SPRR2B: variants seen among roughly 807,000 people sequenced by gnomAD.
The protein encoded by SPRR2B is small proline rich protein 2B, also known as small proline-rich protein 2B.
SPRR2B carries 1 observed loss-of-function variant against 1.0 expected under a neutral mutation model. That is an observed-to-expected ratio of 1.01 (90% CI 0.36 to 4.77). SPRR2B has a LOEUF of 4.77. Ranked by LOEUF, SPRR2B falls within the 30% of genes most tolerant of loss-of-function variation. SPRR2B has a pLI of 0.16. For missense variants in SPRR2B, 53 were observed against 88.7 expected (o/e 0.60, Z 1.62); for synonymous variants, 27 against 33.4 (o/e 0.81, Z 0.66).
At chr1:153,084,678 T>G in the SPRR2B span, among the ~76,000 whole-genome samples, 4,749 of 151,994 alleles carry the variant, frequency 0.031, 229 homozygotes, top group African/African-American at 0.11. Flanking sequence ...CCCAGCCCAA[T>G]AGTATGCACC....
At chr1:153,073,269 G>T (rs1654708967), upstream of SPRR2B, among the ~76,000 whole-genome samples, 1 of 152,218 alleles carries the variant, frequency 6.6e-6, no homozygotes, top group Admixed American at 6.5e-5. Flanking sequence ...AGTACAGTGG[G>T]TGCAGTAAAG....
At chr1:153,084,104 T>C in the SPRR2B span, among the ~76,000 whole-genome samples, 1 of 152,126 alleles carries the variant, frequency 6.6e-6, no homozygotes, top group African/African-American at 2.4e-5. Context: ...TGCTGGCAGA[T>C]CACAGCTAAC....
upstream of SPRR2B, among the ~76,000 whole-genome samples, chr1:153,076,298 A>C (rs1052302169): frequency 2.0e-5 from 3 of 152,208 alleles, no homozygotes; most frequent in African/African-American, 7.2e-5. Context: ...TCCATATGTT[A>C]GATCCAAATA....
the SPRR2B span, among the ~76,000 whole-genome samples, chr1:153,080,764 C>T: frequency 2.0e-5 from 3 of 152,156 alleles, no homozygotes; most frequent in Non-Finnish European, 4.4e-5. Context: ...TTTTATGATA[C>T]GATCCAGCAA....
chr1:153,080,254 C>A, the SPRR2B span, among the ~76,000 whole-genome samples: 1 of 152,052 alleles, frequency 6.6e-6, no homozygotes, highest in Non-Finnish European at 1.5e-5. Flanking sequence ...AATTCACTCT[C>A]AAAAATGGCT....
upstream of SPRR2B, among the ~76,000 whole-genome samples, chr1:153,075,715 G>C (rs1309474262): frequency 6.6e-6 from 1 of 152,162 alleles, no homozygotes; most frequent in African/African-American, 2.4e-5. Flanking sequence ...GTTGTTTATG[G>C]CTGAGAAAGA....
upstream of SPRR2B, among the ~76,000 whole-genome samples, chr1:153,072,545 A>T (rs1353889119): frequency 6.6e-6 from 1 of 152,216 alleles, no homozygotes; most frequent in Non-Finnish European, 1.5e-5. Flanking sequence ...GTCTTCTCAG[A>T]GTAGAGAAGG....
the SPRR2B span, among the ~76,000 whole-genome samples, chr1:153,083,843 T>C: frequency 6.6e-6 from 1 of 152,218 alleles, no homozygotes; most frequent in African/African-American, 2.4e-5. Flanking sequence ...CCAAGGGGTT[T>C]GGTAAGGGAG....
the SPRR2B span, among the ~76,000 whole-genome samples, chr1:153,084,872 A>G: frequency 2.0e-5 from 3 of 152,152 alleles, no homozygotes; most frequent in Non-Finnish European, 4.4e-5. Context: ...GTCAAGCCTG[A>G]CACACTTCCC....
At chr1:153,083,042 TAAA>T in the SPRR2B span, among the ~76,000 whole-genome samples, 1 of 152,102 alleles carries the variant, frequency 6.6e-6, no homozygotes, top group Non-Finnish European at 1.5e-5. Context: ...TTTACAGAAA[TAAA>T]AAAATTTGAA....
chr1:153,074,031 C>G (rs915766740), upstream of SPRR2B, among the ~76,000 whole-genome samples: 2 of 152,176 alleles, frequency 1.3e-5, no homozygotes, highest in African/African-American at 4.8e-5. Context: ...CTACTACAGT[C>G]AAGATAAATA....
rs1327081528 is a variant in SPRR2B at position 153,070,470 on chromosome 1, C to T, written c.*151G>A. 1 of 1,395,858 alleles carries T rather than the reference C, an allele frequency of 7.2e-7. No individual in the cohort carries two copies. The highest frequency in any genetic ancestry group is 9.6e-7 in the Non-Finnish European group (1 of 1,038,298). The allele number at this position is 1,395,858 out of a possible 1,614,324, so 86.5% of individuals were successfully genotyped here. Reference sequence around the variant, plus strand: ...CCTTAGAAAGGAAACCTTTTGCTATCAGGGAACATCATGGGCAGATCACAG... The same window carrying T: ...CCTTAGAAAGGAAACCTTTTGCTATTAGGGAACATCATGGGCAGATCACAG... On this transcript the variant is annotated 3_prime_UTR_variant, in exon 2 of 2. Transcript: ENST00000368755.
At chr1:153,078,320 G>A in the SPRR2B span, among the ~76,000 whole-genome samples, 1 of 152,118 alleles carries the variant, frequency 6.6e-6, no homozygotes, top group East Asian at 1.9e-4. Flanking sequence ...TGTTATAAGA[G>A]ACTACAAAAG....
At chr1:153,084,695 T>C in the SPRR2B span, among the ~76,000 whole-genome samples, 1 of 152,142 alleles carries the variant, frequency 6.6e-6, no homozygotes, top group Admixed American at 6.5e-5. Context: ...CACCCTGCCA[T>C]GCTGCCACTG....
the SPRR2B span, among the ~76,000 whole-genome samples, chr1:153,079,579 A>G: frequency 2.0e-5 from 3 of 152,070 alleles, no homozygotes; most frequent in East Asian, 1.9e-4. Flanking sequence ...AGCTTTCTAC[A>G]TATGGTTAGC....
chr1:153,075,808 G>A (rs1011069934), upstream of SPRR2B, among the ~76,000 whole-genome samples: 14 of 152,102 alleles, frequency 9.2e-5, no homozygotes, highest in Non-Finnish European at 1.6e-4. Context: ...AAATGCAAAT[G>A]TATGATTTGA....
chr1:153,080,786 A>G, the SPRR2B span, among the ~76,000 whole-genome samples: 5 of 152,254 alleles, frequency 3.3e-5, no homozygotes, highest in Non-Finnish European at 7.3e-5. Context: ...ACCACATTCA[A>G]AAATTGATCT....
chr1:153,076,161 A>C (rs7533100), upstream of SPRR2B, among the ~76,000 whole-genome samples: 425 of 152,348 alleles, frequency 2.8e-3, 1 homozygote, highest in African/African-American at 9.4e-3. Context: ...TTGCTCATTT[A>C]AATATCACAT....
At chr1:153,083,969 T>C in the SPRR2B span, among the ~76,000 whole-genome samples, 38 of 152,296 alleles carry the variant, frequency 2.5e-4, no homozygotes, top group South Asian at 7.7e-3. Flanking sequence ...CAATCTTGCC[T>C]TTCAGATGGG....
Sources: allele counts gnomAD v4.1 joint callset (sites outside exome capture counted in the v4.1 genomes callset), GRCh38; gene constraint gnomAD v4.1.1; transcripts MANE v1.5; gene names NCBI Gene and HGNC (gene_info 2026-07-23, HGNC 2026-07-21).